The following RPH3A variants were observed in gnomAD, a reference collection of about 807,000 sequenced individuals.
The protein encoded by RPH3A is rabphilin-3A.
In RPH3A, 48 loss-of-function variants were observed where a neutral mutation model predicts 102.2. The observed-to-expected ratio is 0.47, with a 90% CI of 0.37 to 0.60. The LOEUF (loss-of-function observed/expected upper bound fraction) is 0.60. Among genes scored for constraint, RPH3A ranks in the 20% least tolerant of loss-of-function variants. The pLI, the probability that RPH3A is intolerant of heterozygous loss-of-function variation, is 0.00. For synonymous variants in RPH3A, 310 were observed against 324.3 expected (o/e 0.96, Z 0.47); for missense variants, 781 against 910.1 (o/e 0.86, Z 1.83).
chr12:112,596,569 T>C (rs1317492103), intron 1 of RPH3A, among the ~76,000 whole-genome samples: 3 of 152,200 alleles, frequency 2.0e-5, no homozygotes, highest in African/African-American at 4.8e-5. Context: ...GACTTAGTAT[T>C]GTTCTATCAG....
intron 1 of RPH3A, among the ~76,000 whole-genome samples, chr12:112,591,903 T>C (rs1037632921): frequency 6.6e-6 from 1 of 152,196 alleles, no homozygotes; most frequent in Non-Finnish European, 1.5e-5. Flanking sequence ...CGTCCCTCAG[T>C]ATCCCCGGGG....
At chr12:112,826,030 A>G (rs1370227182) in intron 2 of RPH3A, among the ~76,000 whole-genome samples, 1 of 152,192 alleles carries the variant, frequency 6.6e-6, no homozygotes, top group African/African-American at 2.4e-5. Context: ...TGTTGCACCC[A>G]TCAGCTCATC....
chr12:112,616,167 G>C (rs2039677557), intron 1 of RPH3A, among the ~76,000 whole-genome samples: 1 of 152,040 alleles, frequency 6.6e-6, no homozygotes, highest in East Asian at 1.9e-4. Context: ...TTATTTTTGA[G>C]ACAGAATCTT....
intron 1 of RPH3A, among the ~76,000 whole-genome samples, chr12:112,605,737 G>A (rs2039591653): frequency 6.6e-6 from 1 of 152,202 alleles, no homozygotes; most frequent in Non-Finnish European, 1.5e-5. Flanking sequence ...CTAAGTCAGA[G>A]TTTTCCATCT....
At chr12:112,808,219 G>A (rs912378638) in intron 2 of RPH3A, among the ~76,000 whole-genome samples, 2 of 152,204 alleles carry the variant, frequency 1.3e-5, no homozygotes, top group East Asian at 3.8e-4. Context: ...GGGAAGGTGT[G>A]GAGGCTCTGG....
At chr12:112,868,207 C>G (rs2042643772) in intron 7 of RPH3A, 1 of 495,808 alleles carries the variant, frequency 2.0e-6, no homozygotes, top group Non-Finnish European at 3.5e-6. Context: ...CATCCAAACT[C>G]CACTTTCTTC....
At chr12:112,812,805 C>T (rs1251279229) in intron 2 of RPH3A, among the ~76,000 whole-genome samples, 1 of 152,172 alleles carries the variant, frequency 6.6e-6, no homozygotes, top group Non-Finnish European at 1.5e-5. Context: ...GTCTATGGTG[C>T]TGAACTACAG....
chr12:112,823,103 G>C (rs1030533614), intron 2 of RPH3A, among the ~76,000 whole-genome samples: 1 of 152,192 alleles, frequency 6.6e-6, no homozygotes, highest in African/African-American at 2.4e-5. Context: ...CCTGGGAGAG[G>C]GCTGGGTGGG....
chr12:112,802,765 ACCTCTGTCCATTCCCCAGGG>A (rs2041379478), intron 2 of RPH3A, among the ~76,000 whole-genome samples: 1 of 150,506 alleles, frequency 6.6e-6, no homozygotes, highest in Admixed American at 6.6e-5. Context: ...GCTCCTCATC[ACCTCTGTCCATTCCCCAGGG>A]CCTCTGTCCA....
intron 21 of RPH3A, 35 bp from the exon 22 acceptor site, chr12:112,896,615 G>T: frequency 6.2e-7 from 1 of 1,612,974 alleles, no homozygotes; most frequent in South Asian, 1.1e-5. Context: ...CCTCTATTCT[G>T]ACCACCTGCT....
At chr12:112,873,352 G>A (rs2042739036) in intron 10 of RPH3A, among the ~76,000 whole-genome samples, 1 of 152,230 alleles carries the variant, frequency 6.6e-6, no homozygotes, top group African/African-American at 2.4e-5. Context: ...AACCCAGGCA[G>A]TTCACGTGCA....
chr12:112,646,523 G>A (rs1286407248), intron 1 of RPH3A, among the ~76,000 whole-genome samples: 1 of 152,152 alleles, frequency 6.6e-6, no homozygotes, highest in Non-Finnish European at 1.5e-5. Flanking sequence ...TGTGGCAGTT[G>A]GAGGCTCTCA....
intron 4 of RPH3A, among the ~76,000 whole-genome samples, chr12:112,838,419 T>C (rs372598941): frequency 1.6e-4 from 24 of 152,334 alleles, no homozygotes; most frequent in African/African-American, 5.1e-4. Context: ...GTAAATTTCA[T>C]CCAAAGGGGC....
At chr12:112,840,713 C>T (rs1023889640) in intron 4 of RPH3A, among the ~76,000 whole-genome samples, 5 of 152,124 alleles carry the variant, frequency 3.3e-5, no homozygotes, top group African/African-American at 7.2e-5. Flanking sequence ...CCAGTAAAGG[C>T]GTGTAGGTTC....
At chr12:112,789,268 C>T (rs1016233645), upstream of RPH3A, among the ~76,000 whole-genome samples, 5 of 152,226 alleles carry the variant, frequency 3.3e-5, no homozygotes, top group Non-Finnish European at 5.9e-5. Flanking sequence ...ATACTCAACT[C>T]TGCTACTTCC....
intron 1 of RPH3A, among the ~76,000 whole-genome samples, chr12:112,575,819 A>AT (rs976213138): frequency 6.6e-6 from 1 of 152,094 alleles, no homozygotes; most frequent in African/African-American, 2.4e-5. Context: ...AGTGTGTCTG[A>AT]TTTTTACCCG....
At chr12:112,763,360 A>T (rs1349248235) in intron 1 of RPH3A, among the ~76,000 whole-genome samples, 1 of 152,254 alleles carries the variant, frequency 6.6e-6, no homozygotes, top group Non-Finnish European at 1.5e-5. Context: ...AGATCCTGAG[A>T]ACATGTGCCC....
intron 4 of RPH3A, among the ~76,000 whole-genome samples, chr12:112,839,314 C>G (rs11615736): frequency 6.7e-6 from 1 of 150,140 alleles, no homozygotes; most frequent in Non-Finnish European, 1.5e-5. Context: ...TCTTTTTTTT[C>G]TTTTTTTTTG....
chr12:112,700,412 C>T (rs900080268), intron 1 of RPH3A, among the ~76,000 whole-genome samples: 1 of 152,120 alleles, frequency 6.6e-6, no homozygotes, highest in African/African-American at 2.4e-5. Flanking sequence ...CTTTACTAGC[C>T]ATACAGCCAC....
Sources: gnomAD v4.1 joint callset for allele counts (sites outside exome capture counted in the v4.1 genomes callset) on GRCh38, gnomAD v4.1.1 for gene constraint, MANE v1.5 for transcripts, NCBI Gene and HGNC (gene_info 2026-07-23, HGNC 2026-07-21) for gene names.